ABHD12: variants seen among roughly 807,000 people sequenced by gnomAD.
ABHD12 encodes the protein lysophosphatidylserine lipase ABHD12.
ABHD12 carries 43 observed loss-of-function variants against 58.3 expected under a neutral mutation model. The observed-to-expected ratio is 0.74, with a 90% CI of 0.58 to 0.95. The LOEUF is 0.95. Ranked by LOEUF, ABHD12 falls within the 40% of genes least tolerant of loss-of-function variation. The pLI is 0.00. For synonymous variants in ABHD12, 219 were observed against 211.2 expected, an observed-to-expected ratio of 1.04 and a Z score of -0.32; for missense variants, 539 against 537.2, an observed-to-expected ratio of 1.00 and a Z score of -0.03.
exon 13 of ABHD12, chr20:25,294,869 C>G (rs532762698): frequency 1.5e-6 from 2 of 1,338,504 alleles, no homozygotes; most frequent in East Asian, 4.6e-5. Flanking sequence ...AAGTTGAATC[C>G]GGCGAGGGCT....
intron 1 of ABHD12, among the ~76,000 whole-genome samples, chr20:25,374,675 TAG>T (rs1278201325): frequency 1.1e-4 from 17 of 152,132 alleles, no homozygotes; most frequent in Admixed American, 9.8e-4. Flanking sequence ...GTAATTTTAG[TAG>T]AGACAGGACA....
At chr20:25,314,865 T>C (rs537345183) in intron 6 of ABHD12, 60 bp downstream of exon 6, 1 of 1,590,666 alleles carries the variant, frequency 6.3e-7, no homozygotes, top group East Asian at 2.2e-5. Flanking sequence ...GGCCTGCCCA[T>C]GGGATACCGC....
At chr20:25,340,494 A>G (rs1372557368) in intron 1 of ABHD12, among the ~76,000 whole-genome samples, 1 of 152,196 alleles carries the variant, frequency 6.6e-6, no homozygotes, top group Admixed American at 6.5e-5. Flanking sequence ...AAGGCAAATC[A>G]CACCTTGGCA....
intron 1 of ABHD12, among the ~76,000 whole-genome samples, chr20:25,342,386 T>G (rs1043471281): frequency 6.6e-6 from 1 of 152,138 alleles, no homozygotes; most frequent in African/African-American, 2.4e-5. Flanking sequence ...TCTCTATTCA[T>G]TAGCAAAACC....
At chr20:25,378,676 A>T (rs1437203359) in intron 1 of ABHD12, among the ~76,000 whole-genome samples, 1 of 150,502 alleles carries the variant, frequency 6.6e-6, no homozygotes, top group Non-Finnish European at 1.5e-5. Context: ...CCAGCCTGAT[A>T]AGAACTGAAG....
At chr20:25,351,367 G>C (rs181042411) in intron 1 of ABHD12, among the ~76,000 whole-genome samples, 1 of 152,324 alleles carries the variant, frequency 6.6e-6, no homozygotes, top group African/African-American at 2.4e-5. Flanking sequence ...AAAAGGATCA[G>C]AACCACCATC....
chr20:25,295,614 T>A (rs1297277449), downstream of ABHD12: 1 of 1,613,908 alleles, frequency 6.2e-7, no homozygotes, highest in East Asian at 2.2e-5. Flanking sequence ...GTTCAAGGTG[T>A]TTGCAGACTA....
chr20:25,300,504 G>A lies in ABHD12; in HGVS notation c.*341C>T, dbSNP rs935197732. On this transcript the variant is annotated 3_prime_UTR_variant, in exon 13 of 13. Transcript: ENST00000339157. ...CTCAGCATGGTCCCGAGCCCCAAGAGTCCCCTGCCCGGACTCCCCCTGTCC... is the reference window on the plus strand; with the variant it reads ...CTCAGCATGGTCCCGAGCCCCAAGAATCCCCTGCCCGGACTCCCCCTGTCC... 1.0e-5 allele frequency: 13 copies of A among 1,300,708 alleles called. No homozygotes were observed. Among genetic ancestry groups the A allele is most frequent in the Middle Eastern group, 3.0e-4 (1 of 3,312 alleles). 80.6% of individuals were successfully genotyped at this position (1,300,708 alleles called of 1,614,324 possible).
At chr20:25,303,167 G>C in intron 11 of ABHD12, 2 of 1,069,074 alleles carry the variant, frequency 1.9e-6, no homozygotes, top group Non-Finnish European at 2.4e-6. Flanking sequence ...CCTCATCAAG[G>C]GGTTCTTTGC....
At chr20:25,321,368 G>A (rs2089063051) in intron 3 of ABHD12, among the ~76,000 whole-genome samples, 1 of 152,248 alleles carries the variant, frequency 6.6e-6, no homozygotes, top group African/African-American at 2.4e-5. Flanking sequence ...GGCCAGGAAT[G>A]GCCCCCAGGC....
chr20:25,328,224 TG>T (rs2089209237), intron 2 of ABHD12, among the ~76,000 whole-genome samples: 2 of 151,466 alleles, frequency 1.3e-5, no homozygotes, highest in Admixed American at 1.3e-4. Flanking sequence ...GGATCTGGAG[TG>T]GGAAAGTGAG....
At chr20:25,306,224 T>C (rs1300883642) in intron 10 of ABHD12, among the ~76,000 whole-genome samples, 1 of 151,694 alleles carries the variant, frequency 6.6e-6, no homozygotes, top group Non-Finnish European at 1.5e-5. Context: ...AATATCACTG[T>C]TTTAATATGT....
At chr20:25,357,244 A>C (rs1200549606) in intron 1 of ABHD12, among the ~76,000 whole-genome samples, 1 of 151,990 alleles carries the variant, frequency 6.6e-6, no homozygotes, top group Non-Finnish European at 1.5e-5. Context: ...CCTCCTCCAA[A>C]CATATGCTTC....
At chr20:25,309,605 GTCAAAGGCAGC>G (rs1399231803) in intron 6 of ABHD12, 30 bp from the exon 7 acceptor site, 1 of 1,612,946 alleles carries the variant, frequency 6.2e-7, no homozygotes, top group African/African-American at 1.3e-5. Context: ...GGACGGGGAG[GTCAAAGGCAGC>G]TCACAAAACC....
intron 2 of ABHD12, among the ~76,000 whole-genome samples, chr20:25,330,220 C>T (rs1475768888): frequency 4.6e-5 from 7 of 152,236 alleles, no homozygotes; most frequent in Admixed American, 3.3e-4. Flanking sequence ...CCTGGAAAAT[C>T]GGGTCACTCC....
At chr20:25,326,949 G>A (rs956760851) in intron 2 of ABHD12, among the ~76,000 whole-genome samples, 1 of 152,190 alleles carries the variant, frequency 6.6e-6, no homozygotes, top group African/African-American at 2.4e-5. Flanking sequence ...CTTAAATGCA[G>A]TGCTAAAACT....
At chr20:25,312,934 G>A (rs66999585) in intron 6 of ABHD12, among the ~76,000 whole-genome samples, 81,096 of 147,146 alleles carry the variant, frequency 0.55, 22,704 homozygotes, top group Admixed American at 0.61. Context: ...AGTGAGGAGC[G>A]TCTCCACCCG....
intron 1 of ABHD12, among the ~76,000 whole-genome samples, chr20:25,357,531 T>A (rs1249662457): frequency 6.6e-6 from 1 of 152,136 alleles, no homozygotes; most frequent in Non-Finnish European, 1.5e-5. Flanking sequence ...GGTAGAAAAA[T>A]TGGTTCTGTA....
chr20:25,304,591 A>G (rs1376266176), intron 10 of ABHD12, among the ~76,000 whole-genome samples: 1 of 152,248 alleles, frequency 6.6e-6, no homozygotes, highest in East Asian at 1.9e-4. Flanking sequence ...TTATTTTGAG[A>G]TGAGTCTTGC....
Sources: allele counts gnomAD v4.1 joint callset (sites outside exome capture counted in the v4.1 genomes callset), GRCh38; gene constraint gnomAD v4.1.1; transcripts MANE v1.5; gene names NCBI Gene and HGNC (gene_info 2026-07-23, HGNC 2026-07-21).